Variants in CYP19A1 observed in about 807,000 individuals in gnomAD.
The protein encoded by CYP19A1 is aromatase.
A neutral mutation model predicts 44.4 loss-of-function variants in CYP19A1; 32 were observed. That is an observed-to-expected ratio of 0.72 (90% confidence interval 0.54 to 0.97). The LOEUF is 0.97. CYP19A1 is among the 50% of genes least tolerant of loss of function. The probability of loss-of-function intolerance (pLI) is 0.00; values close to 1 mark genes in which losing one functional copy is unlikely to be tolerated. For missense variants in CYP19A1, 598 were observed against 637.8 expected (o/e 0.94, Z 0.67); for synonymous variants, 212 against 215.6 (o/e 0.98, Z 0.14).
At chr15:51,289,440 C>T (rs1398653710) in intron 1 of CYP19A1, among the ~76,000 whole-genome samples, 1 of 152,162 alleles carries the variant, frequency 6.6e-6, no homozygotes, top group Non-Finnish European at 1.5e-5. Context: ...TTCACATTCC[C>T]AGACCCACAC....
chr15:51,212,940 A>G (rs906185745), intron 8 of CYP19A1, among the ~76,000 whole-genome samples: 5 of 152,180 alleles, frequency 3.3e-5, no homozygotes, highest in Admixed American at 2.6e-4. Context: ...TCTGCTTCAA[A>G]CATTCATCTC....
chr15:51,231,344 C>A (rs1424812308), intron 3 of CYP19A1, among the ~76,000 whole-genome samples: 1 of 152,102 alleles, frequency 6.6e-6, no homozygotes, highest in African/African-American at 2.4e-5. Context: ...CTGGTCTCTT[C>A]AAAATGTCAA....
intron 1 of CYP19A1, among the ~76,000 whole-genome samples, chr15:51,318,060 C>G (rs1056746842): frequency 6.6e-6 from 1 of 152,166 alleles, no homozygotes; most frequent in Non-Finnish European, 1.5e-5. Flanking sequence ...CTATCCTTAA[C>G]TCAGAGCACT....
In CYP19A1 at chr15:51,212,534, A is replaced by G; in HGVS notation, c.1049T>C (p.Ile350Thr). 1 of 1,502,456 alleles carries G rather than the reference A, an allele frequency of 6.7e-7. No individual in the cohort carries two copies. Among genetic ancestry groups the G allele is most frequent in the Non-Finnish European group, 9.3e-7 (1 of 1,078,084 alleles). The allele number at this position is 1,502,456 out of a possible 1,614,324, so 93.1% of individuals were successfully genotyped here. ...GTTTTCCATCACTTTTAATTTTTGT[A>G]TATCATCAATCTTTATGTCTCTCTC... ...IGERDIKIDD[I>T]QKLKVMENFI... is the part of the protein sequence containing the mutation. Residue 350 changes from isoleucine to threonine, a missense_variant, in exon 9 of 10, where the codon ATA (isoleucine) becomes ACA (threonine). Ile to Thr is a moderately conservative substitution (Grantham distance 89). Coordinates refer to ENST00000396402, the MANE Select transcript of CYP19A1 (RefSeq NM_000103.4).
At chr15:51,280,228 T>G (rs2035469105) in intron 1 of CYP19A1, among the ~76,000 whole-genome samples, 1 of 150,922 alleles carries the variant, frequency 6.6e-6, no homozygotes, top group South Asian at 2.1e-4. Flanking sequence ...CCAGAGTAGC[T>G]GGGACTACAG....
chr15:51,303,880 G>A (rs1246838301), intron 1 of CYP19A1, among the ~76,000 whole-genome samples: 1 of 152,174 alleles, frequency 6.6e-6, no homozygotes, highest in Non-Finnish European at 1.5e-5. Flanking sequence ...ATCCCGGGCT[G>A]AGGATGATAC....
chr15:51,222,565 C>G, intron 4 of CYP19A1, 40 bp from the exon 5 acceptor site: 1 of 1,542,744 alleles, frequency 6.5e-7, no homozygotes. Context: ...TCACGAACTC[C>G]AGGGCACACA....
At position 51,238,418 on chromosome 15, in the gene CYP19A1, A is replaced by G. The variant is rs2033541439; in HGVS notation, c.146-1409T>C. On this transcript the variant is annotated intron_variant, in intron 2 of 9. Coordinates refer to ENST00000396402, the MANE Select transcript of CYP19A1 (RefSeq NM_000103.4). ...ATAGCTTGGCACATTGTAGATGCTC[A>G]ACGAATGTTTCCTGAATAAATTTTA... 2.0e-5 allele frequency among the ~76,000 whole-genome samples: 3 copies of G among 152,268 alleles called. No individual in the cohort carries two copies. In the South Asian group the frequency reaches 6.2e-4, roughly 31 times the overall value.
chr15:51,247,575 C>T (rs1019091583), intron 1 of CYP19A1, among the ~76,000 whole-genome samples: 8 of 152,054 alleles, frequency 5.3e-5, no homozygotes, highest in African/African-American at 1.4e-4. Flanking sequence ...CAGGTTCCAG[C>T]GATTCTCTTG....
At chr15:51,319,555 C>T (rs2036490235) in intron 1 of CYP19A1, among the ~76,000 whole-genome samples, 1 of 152,326 alleles carries the variant, frequency 6.6e-6, no homozygotes, top group South Asian at 2.1e-4. Flanking sequence ...CCTCATAACC[C>T]ATCACCTGTC....
At chr15:51,325,850 AAAAAAAAAAAAAAAG>A (rs1285627794) in intron 1 of CYP19A1, among the ~76,000 whole-genome samples, 3 of 150,274 alleles carry the variant, frequency 2.0e-5, no homozygotes, top group Non-Finnish European at 4.4e-5. Context: ...AAAAAAAAAA[AAAAAAAAAAAAAAAG>A]GGCATTGAGT....
At chr15:51,254,487 C>T (rs2034442822) in intron 1 of CYP19A1, among the ~76,000 whole-genome samples, 1 of 152,090 alleles carries the variant, frequency 6.6e-6, no homozygotes, top group Non-Finnish European at 1.5e-5. Context: ...TTGACTGTGG[C>T]CCCACCCCCC....
intron 9 of CYP19A1, 188 bp downstream of exon 9, chr15:51,212,132 C>A: frequency 1.6e-6 from 1 of 638,518 alleles, no homozygotes; most frequent in Non-Finnish European, 2.8e-6. Context: ...ACCCAACATC[C>A]TTGAAGGCTT....
chr15:51,246,228 A>G (rs1238965174), intron 1 of CYP19A1, among the ~76,000 whole-genome samples: 1 of 152,146 alleles, frequency 6.6e-6, no homozygotes, highest in African/African-American at 2.4e-5. Context: ...GAGGTTGTTT[A>G]CATGTCCCCT....
chr15:51,337,486 G>A (rs950482531), intron 1 of CYP19A1, among the ~76,000 whole-genome samples: 1 of 152,214 alleles, frequency 6.6e-6, no homozygotes, highest in Non-Finnish European at 1.5e-5. Context: ...AACTTGAGTA[G>A]CATATCTAAA....
At position 51,230,093 on chromosome 15, in the gene CYP19A1, A is replaced by G. The variant is rs2032910538; in HGVS notation, c.297-2160T>C. On this transcript the variant is annotated intron_variant, in intron 3 of 9. Coordinates refer to ENST00000396402, the MANE Select transcript of CYP19A1 (RefSeq NM_000103.4). ...GCTAATCAGGCCGATGTGATAAAGC[A>G]AGGGATGTGTGACTGGCCACAGATG... 2.0e-5 allele frequency among the ~76,000 whole-genome samples: 3 copies of G among 152,390 alleles called. 1 individual carries two copies. In the South Asian group the frequency reaches 6.2e-4, roughly 32 times the overall value.
At chr15:51,310,652 G>T (rs1360506479) in intron 1 of CYP19A1, among the ~76,000 whole-genome samples, 1 of 152,176 alleles carries the variant, frequency 6.6e-6, no homozygotes, top group Admixed American at 6.5e-5. Context: ...AGTATCAGGG[G>T]AGTCCTCACT....
At chr15:51,271,865 G>C (rs1204762295) in intron 1 of CYP19A1, among the ~76,000 whole-genome samples, 1 of 152,196 alleles carries the variant, frequency 6.6e-6, no homozygotes, top group African/African-American at 2.4e-5. Context: ...TACATAATAG[G>C]TGTTCACAAT....
chr15:51,294,741 G>A (rs975167387), intron 1 of CYP19A1, among the ~76,000 whole-genome samples: 2 of 151,398 alleles, frequency 1.3e-5, no homozygotes, highest in African/African-American at 4.9e-5. Flanking sequence ...CGGGAGGGAG[G>A]TGAGGGGCGC....
Sources: gnomAD v4.1 joint callset for allele counts (sites outside exome capture counted in the v4.1 genomes callset) on GRCh38, gnomAD v4.1.1 for gene constraint, MANE v1.5 for transcripts, NCBI Gene and HGNC (gene_info 2026-07-23, HGNC 2026-07-21) for gene names.